Variants in COL28A1 observed in about 807,000 individuals in gnomAD.
COL28A1 encodes collagen type XXVIII alpha 1 chain, also known as collagen alpha-1(XXVIII) chain.
A neutral mutation model predicts 150.2 loss-of-function variants in COL28A1; 161 were observed. The observed-to-expected ratio is 1.07, with a 90% CI of 0.94 to 1.22. The LOEUF is 1.22. Ranked by LOEUF, COL28A1 falls within the 50% of genes most tolerant of loss-of-function variation. COL28A1 has a pLI of 0.00. For synonymous variants in COL28A1, 552 were observed against 469.7 expected, an observed-to-expected ratio of 1.18 and a Z score of -2.26; for missense variants, 1,617 against 1,388.3, an observed-to-expected ratio of 1.16 and a Z score of -2.62.
At chr7:7,430,479 G>C (rs1007515337) in intron 25 of COL28A1, among the ~76,000 whole-genome samples, 1 of 151,988 alleles carries the variant, frequency 6.6e-6, no homozygotes, top group African/African-American at 2.4e-5. Context: ...TATTATTATT[G>C]CTCAATGTAA....
the COL28A1 span, among the ~76,000 whole-genome samples, chr7:7,338,926 G>T: frequency 1.3e-5 from 2 of 152,090 alleles, no homozygotes; most frequent in East Asian, 3.9e-4. Context: ...CCATTGCCTT[G>T]TGAACTAGCA....
intron 11 of COL28A1, among the ~76,000 whole-genome samples, chr7:7,493,817 T>C (rs981010504): frequency 6.6e-6 from 1 of 151,604 alleles, no homozygotes; most frequent in African/African-American, 2.4e-5. Flanking sequence ...CATGATTCCT[T>C]TCCTGTTAAT....
chr7:7,446,592 T>C (rs1423298185), intron 18 of COL28A1, among the ~76,000 whole-genome samples: 1 of 152,216 alleles, frequency 6.6e-6, no homozygotes, highest in African/African-American at 2.4e-5. Context: ...AAGAGGGACG[T>C]CTACCTAATT....
At chr7:7,385,548 T>C (rs947222757) in intron 27 of COL28A1, among the ~76,000 whole-genome samples, 4 of 151,282 alleles carry the variant, frequency 2.6e-5, no homozygotes, top group African/African-American at 9.9e-5. Context: ...TCTTTTGCAA[T>C]ATTTCAGATT....
chr7:7,341,577 CTTA>C, the COL28A1 span, among the ~76,000 whole-genome samples: 1 of 151,922 alleles, frequency 6.6e-6, no homozygotes, highest in Non-Finnish European at 1.5e-5. Flanking sequence ...CACCTGACTT[CTTA>C]TTAATTTTCA....
chr7:7,480,488 C>G (rs1274521089), intron 13 of COL28A1, among the ~76,000 whole-genome samples: 1 of 151,976 alleles, frequency 6.6e-6, no homozygotes, highest in Non-Finnish European at 1.5e-5. Flanking sequence ...CAAACTCAAC[C>G]AAATTATTAA....
At chr7:7,483,473 G>A (rs191320381) in intron 13 of COL28A1, among the ~76,000 whole-genome samples, 1 of 152,278 alleles carries the variant, frequency 6.6e-6, no homozygotes, top group East Asian at 1.9e-4. Flanking sequence ...CCATGGTCCT[G>A]TGCTGTGTAT....
In COL28A1 at chr7:7,531,674, G is replaced by A; in HGVS notation, c.355C>T (p.Gln119Ter). 6.3e-7 allele frequency: 1 copy of A among 1,592,870 alleles called. No individual in the cohort carries two copies. The highest frequency in any genetic ancestry group is 8.6e-7 in the Non-Finnish European group (1 of 1,160,576). ...ATTAAATTCATAGACTTGACCTTCT[G>A]CTTAAATGTCTGCAGGTCCTTCCAG... ...SSWKDLQTFKQKVKSMNLIGQ... is the reference protein window; with the variant it reads ...SSWKDLQTFK The change falls in exon 3 of 35, where the codon CAG (glutamine) becomes TAG (stop). Residue 119 changes from glutamine (Q) to a stop codon, truncating the protein, a stop_gained. Transcript: ENST00000399429. LOFTEE classifies it high-confidence loss of function.
chr7:7,404,013 T>C (rs1175091522), intron 27 of COL28A1, among the ~76,000 whole-genome samples: 1 of 152,210 alleles, frequency 6.6e-6, no homozygotes, highest in African/African-American at 2.4e-5. Flanking sequence ...GGTGCAATCC[T>C]GGCCCTGTTG....
chr7:7,519,823 T>A (rs547044270), intron 6 of COL28A1, among the ~76,000 whole-genome samples: 9 of 152,312 alleles, frequency 5.9e-5, no homozygotes, highest in Admixed American at 3.9e-4. Flanking sequence ...GTTTATTCAA[T>A]GTCCCTAGGT....
intron 9 of COL28A1, among the ~76,000 whole-genome samples, chr7:7,508,740 A>C (rs928072560): frequency 2.0e-5 from 3 of 151,872 alleles, no homozygotes; most frequent in African/African-American, 7.3e-5. Context: ...GGAGTAGCTC[A>C]CTGCAGCCTC....
chr7:7,379,713 G>T (rs1781762246), intron 30 of COL28A1, among the ~76,000 whole-genome samples: 1 of 152,184 alleles, frequency 6.6e-6, no homozygotes, highest in African/African-American at 2.4e-5. Flanking sequence ...CCCACGTTGG[G>T]ACAGTAGGGC....
intron 27 of COL28A1, among the ~76,000 whole-genome samples, chr7:7,383,282 GTGTGTGT>G (rs1554262218): frequency 1.5e-5 from 2 of 137,742 alleles, no homozygotes; most frequent in South Asian, 2.2e-4. Context: ...GTGTGTGTGT[GTGTGTGT>G]TTTTTTTGAG....
chr7:7,511,623 G>A (rs1274192816), intron 8 of COL28A1: 1 of 320,966 alleles, frequency 3.1e-6, no homozygotes, highest in African/African-American at 2.3e-5. Context: ...ATTTTTTCAA[G>A]AACACCATGC....
At chr7:7,352,367 A>G (rs375713368), downstream of COL28A1, among the ~76,000 whole-genome samples, 97 of 152,294 alleles carry the variant, frequency 6.4e-4, 1 homozygote, top group East Asian at 0.013. Context: ...CTGCTCCCCA[A>G]TCTCTCCTGT....
intron 33 of COL28A1, among the ~76,000 whole-genome samples, chr7:7,361,781 C>A (rs555688056): frequency 1.3e-5 from 2 of 151,896 alleles, no homozygotes; most frequent in East Asian, 3.9e-4. Context: ...TTGAACCAAC[C>A]CAAATGCTCA....
intron 25 of COL28A1, among the ~76,000 whole-genome samples, chr7:7,430,716 C>T (rs929079826): frequency 6.6e-6 from 1 of 151,948 alleles, no homozygotes; most frequent in Non-Finnish European, 1.5e-5. Context: ...TCACTCACAG[C>T]GTAAGATAAT....
chr7:7,409,080 T>C (rs1449605901), intron 27 of COL28A1, among the ~76,000 whole-genome samples: 2 of 152,078 alleles, frequency 1.3e-5, no homozygotes, highest in Non-Finnish European at 2.9e-5. Context: ...TAATACATCA[T>C]ATTTAGAGAG....
At chr7:7,348,945 T>A in the COL28A1 span, among the ~76,000 whole-genome samples, 1 of 152,010 alleles carries the variant, frequency 6.6e-6, no homozygotes, top group African/African-American at 2.4e-5. Flanking sequence ...GGCATCCCAC[T>A]ATGTTGCCCA....
Sources: gnomAD v4.1 joint callset for allele counts (sites outside exome capture counted in the v4.1 genomes callset) on GRCh38, gnomAD v4.1.1 for gene constraint, MANE v1.5 for transcripts, NCBI Gene and HGNC (gene_info 2026-07-23, HGNC 2026-07-21) for gene names.